The following CFAP61 variants were observed in gnomAD, a reference collection of about 807,000 sequenced individuals.
CFAP61 encodes cilia- and flagella-associated protein 61.
CFAP61 carries 107 observed loss-of-function variants against 135.6 expected under a neutral mutation model. That is an observed-to-expected ratio of 0.79 (90% CI 0.67 to 0.93). CFAP61 has a LOEUF of 0.93. CFAP61 is among the 40% of genes least tolerant of loss of function. The pLI, the probability that CFAP61 is intolerant of heterozygous loss-of-function variation, is 0.00. For missense variants in CFAP61, 1,507 were observed against 1,556.2 expected, an observed-to-expected ratio of 0.97 and a Z score of 0.53; for synonymous variants, 575 against 578.5, an observed-to-expected ratio of 0.99 and a Z score of 0.09.
At chr20:20,150,167 G>T (rs755815694) in intron 9 of CFAP61, among the ~76,000 whole-genome samples, 3 of 151,136 alleles carry the variant, frequency 2.0e-5, no homozygotes, top group African/African-American at 7.3e-5. Flanking sequence ...AACCCCATGC[G>T]CCCACCACCC....
At chr20:20,151,592 C>T (rs184395285) in intron 9 of CFAP61, among the ~76,000 whole-genome samples, 188 of 151,934 alleles carry the variant, frequency 1.2e-3, no homozygotes, top group African/African-American at 4.0e-3. Flanking sequence ...TTTGGGAGGC[C>T]GAGGTGAGCG....
At chr20:20,182,164 T>A (rs2055150132) in intron 13 of CFAP61, among the ~76,000 whole-genome samples, 1 of 152,244 alleles carries the variant, frequency 6.6e-6, no homozygotes, top group Non-Finnish European at 1.5e-5. Flanking sequence ...TCTAAATCTC[T>A]ATGATTTATC....
At chr20:20,309,731 C>CA (rs2056708351) in intron 25 of CFAP61, among the ~76,000 whole-genome samples, 1 of 152,058 alleles carries the variant, frequency 6.6e-6, no homozygotes, top group African/African-American at 2.4e-5. Flanking sequence ...ATGTTTGGGA[C>CA]AGGAGAATAA....
intron 18 of CFAP61, among the ~76,000 whole-genome samples, chr20:20,228,934 C>T (rs943526071): frequency 1.3e-5 from 2 of 152,224 alleles, no homozygotes; most frequent in African/African-American, 4.8e-5. Flanking sequence ...CATAATCAGG[C>T]AGGTTTGGCA....
At chr20:20,193,702 C>T (rs2146880142) in intron 15 of CFAP61, among the ~76,000 whole-genome samples, 1 of 152,208 alleles carries the variant, frequency 6.6e-6, no homozygotes, top group East Asian at 1.9e-4. Flanking sequence ...CAGCCTCTGC[C>T]TCCCGGGTTC....
At chr20:20,181,276 T>TACACAC (rs74180984) in intron 13 of CFAP61, among the ~76,000 whole-genome samples, 18,827 of 144,106 alleles carry the variant, frequency 0.13, 1,445 homozygotes, top group African/African-American at 0.21. Context: ...TGTGTATGTA[T>TACACAC]ACACACACAC....
intron 14 of CFAP61, among the ~76,000 whole-genome samples, chr20:20,188,478 A>AT (rs2055673742): frequency 6.6e-6 from 1 of 152,156 alleles, no homozygotes; most frequent in African/African-American, 2.4e-5. Flanking sequence ...GTTTGAGCCT[A>AT]TGAGATGATG....
At chr20:20,144,114 G>C (rs1243931990) in intron 9 of CFAP61, among the ~76,000 whole-genome samples, 1 of 152,234 alleles carries the variant, frequency 6.6e-6, no homozygotes, top group Non-Finnish European at 1.5e-5. Context: ...ACTTAACTGA[G>C]TCCCAGAACA....
Position 20,164,185 on chromosome 20 carries a change from T to G in CFAP61, c.1162T>G (p.Phe388Val), listed in dbSNP as rs746348928. Residue 388 changes from phenylalanine (F) to valine (V), a missense_variant, in exon 11 of 27, where the codon TTT (phenylalanine) becomes GTT (valine). Coordinates refer to ENST00000245957, the MANE Select transcript of CFAP61 (RefSeq NM_015585.4). ...RPIYRGASAA[F>V]CIQLFCIDEK... ...CATCTACAGGGGAGCCTCAGCTGCT[T>G]TTTGTATTCAGCTGTTTTGTATTGA... 6.2e-7 allele frequency: 1 copy of G among 1,613,936 alleles called. No individual in the cohort carries two copies. The highest frequency in any genetic ancestry group is 8.5e-7 in the Non-Finnish European group (1 of 1,179,938).
intron 8 of CFAP61, among the ~76,000 whole-genome samples, chr20:20,137,238 G>C (rs1436892997): frequency 2.0e-5 from 3 of 152,174 alleles, no homozygotes; most frequent in African/African-American, 7.2e-5. Context: ...TCTTGCCCAA[G>C]GCCCACTGTA....
In CFAP61 at chr20:20,246,117, C is replaced by T. The variant is rs769159048; in HGVS notation, c.2061C>T (p.Cys687=). ...GISFLETLVF[C]SHMKFNNLTL... is the part of the protein sequence containing the mutation. ...CTTTTTCATTTTTCTTTTTCTTTAG[C>T]TCTCACATGAAGTTTAATAATCTTA... The change falls in exon 19 of 27, where the codon TGC becomes TGT. Residue 687 remains cysteine, a splice_region_variant and synonymous_variant. Coordinates refer to ENST00000245957, the MANE Select transcript of CFAP61 (RefSeq NM_015585.4). 3 of 1,585,768 alleles carry T rather than the reference C, an allele frequency of 1.9e-6. No individual in the cohort carries two copies. In the African/African-American group the frequency reaches 4.1e-5, roughly 22 times the overall value.
At chr20:20,232,523 A>G (rs1296889593) in intron 18 of CFAP61, among the ~76,000 whole-genome samples, 1 of 152,102 alleles carries the variant, frequency 6.6e-6, no homozygotes, top group East Asian at 1.9e-4. Flanking sequence ...TTAGAAATGC[A>G]CAACCTCAGG....
chr20:20,094,098 G>A (rs558231490), intron 7 of CFAP61, among the ~76,000 whole-genome samples: 2 of 152,254 alleles, frequency 1.3e-5, no homozygotes, highest in Admixed American at 1.3e-4. Context: ...TAGAGATGTG[G>A]GTATTAGTTT....
intron 20 of CFAP61, among the ~76,000 whole-genome samples, chr20:20,254,911 T>G (rs1167228824): frequency 6.6e-6 from 1 of 152,198 alleles, no homozygotes; most frequent in Non-Finnish European, 1.5e-5. Flanking sequence ...AATACTACAT[T>G]GCACTGCACG....
chr20:20,346,664 A>AG (rs1469797055), intron 26 of CFAP61, among the ~76,000 whole-genome samples: 1 of 152,224 alleles, frequency 6.6e-6, no homozygotes, highest in Non-Finnish European at 1.5e-5. Flanking sequence ...TCACTGACCA[A>AG]GGTGAAATTT....
chr20:20,074,204 C>A, intron 3 of CFAP61, 98 bp from the exon 4 acceptor site: 1 of 904,438 alleles, frequency 1.1e-6, no homozygotes, highest in South Asian at 1.3e-5. Flanking sequence ...CCAGGCTGTT[C>A]TGTGTCTGTG....
chr20:20,054,800 A>C (rs1325316875), intron 1 of CFAP61, among the ~76,000 whole-genome samples: 2 of 152,044 alleles, frequency 1.3e-5, no homozygotes, highest in Non-Finnish European at 2.9e-5. Context: ...GGTTCCTTTA[A>C]AGTTTTCTGT....
At chr20:20,160,671 T>C (rs1472847181) in intron 10 of CFAP61, among the ~76,000 whole-genome samples, 2 of 152,178 alleles carry the variant, frequency 1.3e-5, no homozygotes, top group Non-Finnish European at 2.9e-5. Flanking sequence ...GAAAGCACGA[T>C]GTAGGCACAG....
chr20:20,300,199 T>C (rs2055974991), intron 25 of CFAP61, among the ~76,000 whole-genome samples: 1 of 152,242 alleles, frequency 6.6e-6, no homozygotes, highest in African/African-American at 2.4e-5. Flanking sequence ...GAACACTTGC[T>C]GATGATAATA....
Sources: gnomAD v4.1 joint callset for allele counts (sites outside exome capture counted in the v4.1 genomes callset) on GRCh38, gnomAD v4.1.1 for gene constraint, MANE v1.5 for transcripts, NCBI Gene and HGNC (gene_info 2026-07-23, HGNC 2026-07-21) for gene names.